The following COL5A2 variants were observed in gnomAD, a reference collection of about 807,000 sequenced individuals.
The protein encoded by COL5A2 is collagen type V alpha 2 chain, also known as collagen alpha-2(V) chain.
COL5A2 carries 23 observed loss-of-function variants against 208.2 expected under a neutral mutation model. The ratio of observed to expected loss-of-function variants is 0.11; its 90% CI spans 0.08 to 0.16. COL5A2 has a LOEUF of 0.16. Ranked by LOEUF, COL5A2 falls within the 10% of genes least tolerant of loss-of-function variation. The pLI is 1.00. For synonymous variants in COL5A2, 625 were observed against 628.5 expected (o/e 0.99, Z 0.08); for missense variants, 1,590 against 1,956.4 (o/e 0.81, Z 3.53).
the COL5A2 span, among the ~76,000 whole-genome samples, chr2:189,257,749 A>C: frequency 1.3e-5 from 2 of 152,206 alleles, no homozygotes. Flanking sequence ...GTAAAAGACA[A>C]CTTCCAAGTG....
At chr2:189,332,338 C>T in the COL5A2 span, among the ~76,000 whole-genome samples, 3 of 152,164 alleles carry the variant, frequency 2.0e-5, no homozygotes, top group Non-Finnish European at 4.4e-5. Flanking sequence ...CCAGAATACA[C>T]ATTATTTTCA....
the COL5A2 span, among the ~76,000 whole-genome samples, chr2:189,434,721 G>A: frequency 2.0e-5 from 3 of 152,280 alleles, no homozygotes; most frequent in African/African-American, 7.2e-5. Context: ...TGGAGAGGAA[G>A]AATCAATATT....
rs115786491 is a variant in COL5A2 at position 189,208,071 on chromosome 2, G to A, written c.-42+17077C>T. Among the ~76,000 whole-genome samples, 1,452 of 152,168 alleles carry A rather than the reference G, an allele frequency of 9.5e-3. 29 individuals are homozygous for A. The highest frequency in any genetic ancestry group is 0.032 in the African/African-American group (1,342 of 41,502). Reference sequence around the variant, plus strand: ...CAGTTAGCTATTACTTTTGAGCTACGAAGTCATTTATGCAACAATCCTCTC... The same window carrying A: ...CAGTTAGCTATTACTTTTGAGCTACAAAGTCATTTATGCAACAATCCTCTC... On this transcript the variant is annotated intron_variant, in intron 1 of 10. Coordinates refer to the COL5A2 transcript ENST00000649966.
chr2:189,144,741 G>C (rs938619247), intron 1 of COL5A2, among the ~76,000 whole-genome samples: 3 of 152,088 alleles, frequency 2.0e-5, no homozygotes, highest in African/African-American at 7.2e-5. Context: ...TAACCAGTCA[G>C]CGTGAGTAGA....
chr2:189,329,072 C>T, the COL5A2 span, among the ~76,000 whole-genome samples: 3 of 152,076 alleles, frequency 2.0e-5, no homozygotes, highest in Admixed American at 6.6e-5. Context: ...ATGGAATCAA[C>T]CAAGTTTCCA....
chr2:189,204,011 G>A (rs960590858), intron 1 of COL5A2, among the ~76,000 whole-genome samples: 1 of 151,782 alleles, frequency 6.6e-6, no homozygotes, highest in Non-Finnish European at 1.5e-5. Context: ...CATTCTCCTG[G>A]CTCAGCTTCC....
At chr2:189,356,526 C>T in the COL5A2 span, among the ~76,000 whole-genome samples, 6 of 152,108 alleles carry the variant, frequency 3.9e-5, no homozygotes, top group African/African-American at 9.7e-5. Flanking sequence ...TTGATCGATT[C>T]GGCTATCGAT....
chr2:189,040,658 A>AT (rs199978925), intron 50 of COL5A2, among the ~76,000 whole-genome samples: 3,717 of 151,716 alleles, frequency 0.024, 43 homozygotes, highest in African/African-American at 0.034. Context: ...CTGTTACATA[A>AT]TTTTTTTTTC....
chr2:189,180,827 C>A (rs1463803662), upstream of COL5A2, among the ~76,000 whole-genome samples: 1 of 152,178 alleles, frequency 6.6e-6, no homozygotes, highest in East Asian at 1.9e-4. Flanking sequence ...CACCCTCACA[C>A]TTGCCAAGAT....
the COL5A2 span, among the ~76,000 whole-genome samples, chr2:189,364,955 A>G: frequency 1.1e-3 from 161 of 152,342 alleles, no homozygotes; most frequent in Middle Eastern, 3.4e-3. Context: ...TAATAGGGCA[A>G]TCTGGGTCTT....
At chr2:189,066,610 G>T in intron 22 of COL5A2, 113 bp from the exon 23 acceptor site, 2 of 1,345,912 alleles carry the variant, frequency 1.5e-6, no homozygotes, top group African/African-American at 1.4e-5. Flanking sequence ...GGAACAATGA[G>T]ATATTTTCAT....
chr2:189,190,817 T>C (rs1315656357), intron 1 of COL5A2, among the ~76,000 whole-genome samples: 1 of 152,218 alleles, frequency 6.6e-6, no homozygotes, highest in Non-Finnish European at 1.5e-5. Flanking sequence ...AGTTACATGA[T>C]TTATATGCAA....
chr2:189,237,814 T>A, the COL5A2 span, among the ~76,000 whole-genome samples: 1 of 151,912 alleles, frequency 6.6e-6, no homozygotes, highest in Admixed American at 6.6e-5. Flanking sequence ...CAATTAAATG[T>A]GGCGAAGTAA....
At chr2:189,275,767 C>A in the COL5A2 span, among the ~76,000 whole-genome samples, 1 of 152,032 alleles carries the variant, frequency 6.6e-6, no homozygotes, top group African/African-American at 2.4e-5. Flanking sequence ...CATTATTTTT[C>A]AAATAAAAGA....
chr2:189,216,018 T>A (rs1235515539), intron 1 of COL5A2, among the ~76,000 whole-genome samples: 4 of 152,062 alleles, frequency 2.6e-5, no homozygotes, highest in African/African-American at 9.7e-5. Context: ...CACCTCAGTA[T>A]CAATAAACTA....
rs1685356008 is a variant in COL5A2 at position 189,032,528 on chromosome 2, C to T, written c.*1542G>A. 5 of 152,114 alleles carry T rather than the reference C, an allele frequency of 3.3e-5. No homozygotes were observed. Among genetic ancestry groups the T allele is most frequent in the Admixed American group, 2.6e-4 (4 of 15,256 alleles). 9.4% of individuals were successfully genotyped at this position (152,114 alleles called of 1,614,324 possible). ...ACAAAAACCACTGACATGACAAAAG[C>T]GTGCATTTAATTTGATGCTTTGCAG... is the stretch of plus-strand genomic sequence containing the variant. On this transcript the variant is annotated 3_prime_UTR_variant, in exon 54 of 54. Coordinates refer to ENST00000374866, the MANE Select transcript of COL5A2 (RefSeq NM_000393.5).
In COL5A2 at chr2:189,036,903, T is replaced by C. The variant is rs1685454083; in HGVS notation, c.3926-100A>G. 3.2e-6 allele frequency: 3 copies of C among 950,572 alleles called. No individual in the cohort carries two copies. The South Asian group carries it at 4.4e-5, about 14-fold the overall frequency. The allele number at this position is 950,572 out of a possible 1,614,324, so 58.9% of individuals were successfully genotyped here. A position where few individuals can be genotyped will look rare whatever the true frequency, so the allele number is the denominator to read the frequency against. On this transcript the variant is annotated intron_variant, in intron 51 of 53. Transcript: ENST00000374866. The stretch of plus-strand genomic sequence containing the variant: ...AGAGGGTTTGAAAATATACACTCAC[T>C]GATTAAGGATTCTTTTAAGTGAGAG...
the COL5A2 span, among the ~76,000 whole-genome samples, chr2:189,332,369 C>A: frequency 6.6e-6 from 1 of 152,238 alleles, no homozygotes; most frequent in East Asian, 1.9e-4. Context: ...GAACATTCAC[C>A]ATGATAGAAC....
chr2:189,285,866 A>C, the COL5A2 span, among the ~76,000 whole-genome samples: 5,888 of 152,216 alleles, frequency 0.039, 129 homozygotes, highest in Admixed American at 0.052. Context: ...AAATGAGTGG[A>C]CAGATGAGGC....
Sources: allele counts gnomAD v4.1 joint callset (sites outside exome capture counted in the v4.1 genomes callset), GRCh38; gene constraint gnomAD v4.1.1; transcripts MANE v1.5; gene names NCBI Gene and HGNC (gene_info 2026-07-23, HGNC 2026-07-21).